FHIT: variants seen among roughly 807,000 people sequenced by gnomAD.
The protein encoded by FHIT is bis(5'-adenosyl)-triphosphatase.
Under a neutral mutation model 17.9 loss-of-function variants are expected in FHIT, and 19 were observed. The ratio of observed to expected loss-of-function variants is 1.06; its 90% CI spans 0.74 to 1.56. FHIT has a LOEUF of 1.56. Ranked by LOEUF, FHIT falls within the 40% of genes most tolerant of loss-of-function variation. The pLI, the probability that FHIT is intolerant of heterozygous loss-of-function variation, is 0.00. For missense variants in FHIT, 248 were observed against 189.2 expected (o/e 1.31, Z -1.82); for synonymous variants, 81 against 69.7 (o/e 1.16, Z -0.81).
At chr3:61,163,561 G>C (rs1189232832) in intron 2 of FHIT, among the ~76,000 whole-genome samples, 7 of 152,168 alleles carry the variant, frequency 4.6e-5, no homozygotes, top group Non-Finnish European at 1.0e-4. Flanking sequence ...GGCCATAAAA[G>C]AAATCTCTAG....
intron 4 of FHIT, among the ~76,000 whole-genome samples, chr3:60,693,882 T>TAA (rs1559644924): frequency 6.6e-6 from 1 of 152,212 alleles, no homozygotes; most frequent in Non-Finnish European, 1.5e-5. Flanking sequence ...CATAGCTCTT[T>TAA]AGCTACACCA....
At chr3:60,366,077 G>A (rs896416169) in intron 5 of FHIT, among the ~76,000 whole-genome samples, 1 of 152,208 alleles carries the variant, frequency 6.6e-6, no homozygotes, top group South Asian at 2.1e-4. Flanking sequence ...TGCTTTGCAT[G>A]ATTTATTTTT....
intron 5 of FHIT, among the ~76,000 whole-genome samples, chr3:60,407,291 C>A (rs576657780): frequency 6.6e-6 from 1 of 151,910 alleles, no homozygotes; most frequent in African/African-American, 2.4e-5. Context: ...GAAAAAATGT[C>A]GGAAAAGCCT....
intron 5 of FHIT, among the ~76,000 whole-genome samples, chr3:60,238,875 A>AT (rs1704960166): frequency 6.6e-6 from 1 of 152,206 alleles, no homozygotes; most frequent in Non-Finnish European, 1.5e-5. Flanking sequence ...GCAAGTACAA[A>AT]TGCATTAGGA....
intron 5 of FHIT, among the ~76,000 whole-genome samples, chr3:60,210,095 A>C (rs1703379688): frequency 1.3e-5 from 2 of 152,170 alleles, no homozygotes; most frequent in South Asian, 4.1e-4. Context: ...CACAAAAACA[A>C]AAACCAAAAA....
intron 7 of FHIT, among the ~76,000 whole-genome samples, chr3:60,010,095 G>A (rs914143665): frequency 1.3e-5 from 2 of 152,040 alleles, no homozygotes; most frequent in African/African-American, 2.4e-5. Flanking sequence ...TAACTAATCC[G>A]GTATAGTTGG....
At chr3:59,860,991 A>C (rs78677504) in intron 8 of FHIT, among the ~76,000 whole-genome samples, 1 of 151,988 alleles carries the variant, frequency 6.6e-6, no homozygotes, top group Admixed American at 6.6e-5. Context: ...CCTGGGTCTG[A>C]AGAGAAGAGG....
chr3:60,093,998 T>C (rs17062179), intron 5 of FHIT, among the ~76,000 whole-genome samples: 13,238 of 152,146 alleles, frequency 0.087, 678 homozygotes, highest in Non-Finnish European at 0.097. Flanking sequence ...GTGTAAGGTG[T>C]GAGAATCCTA....
At chr3:60,716,881 C>G (rs781862744) in intron 4 of FHIT, among the ~76,000 whole-genome samples, 31 of 152,118 alleles carry the variant, frequency 2.0e-4, no homozygotes, top group Non-Finnish European at 4.6e-4. Context: ...TCTTAAGGGA[C>G]CACCCTCATA....
intron 7 of FHIT, among the ~76,000 whole-genome samples, chr3:59,941,109 T>C (rs1232128478): frequency 2.6e-5 from 4 of 152,198 alleles, no homozygotes; most frequent in African/African-American, 7.2e-5. Flanking sequence ...TCTAACTCAA[T>C]GTTAAGAGAC....
intron 8 of FHIT, among the ~76,000 whole-genome samples, chr3:59,817,604 AG>A (rs1297592241): frequency 2.0e-5 from 3 of 151,800 alleles, no homozygotes; most frequent in Non-Finnish European, 2.9e-5. Context: ...AAAAGAAAAA[AG>A]AAAAAGAAGA....
intron 5 of FHIT, among the ~76,000 whole-genome samples, chr3:60,236,665 G>A (rs1447059274): frequency 3.3e-5 from 5 of 151,514 alleles, no homozygotes; most frequent in African/African-American, 1.2e-4. Flanking sequence ...TCTATTAGAT[G>A]CTATTGTCTT....
chr3:60,438,707 T>G (rs796359940), intron 5 of FHIT, among the ~76,000 whole-genome samples: 4 of 152,222 alleles, frequency 2.6e-5, no homozygotes, highest in African/African-American at 9.6e-5. Context: ...ATCAATCCCC[T>G]TTTTACTAAG....
intron 1 of FHIT, among the ~76,000 whole-genome samples, chr3:61,241,828 C>T (rs1346816856): frequency 6.6e-6 from 1 of 152,146 alleles, no homozygotes; most frequent in South Asian, 2.1e-4. Flanking sequence ...CTCTTCTATT[C>T]CCACTTATTC....
At chr3:59,912,294 G>C (rs140240318) in intron 8 of FHIT, among the ~76,000 whole-genome samples, 79 of 152,274 alleles carry the variant, frequency 5.2e-4, no homozygotes, top group African/African-American at 1.9e-3. Flanking sequence ...CTAGCCCAAT[G>C]CCCCAGGGAA....
chr3:59,954,595 G>A (rs1707301566), intron 7 of FHIT, among the ~76,000 whole-genome samples: 1 of 152,152 alleles, frequency 6.6e-6, no homozygotes, highest in Non-Finnish European at 1.5e-5. Context: ...TCCAGGTGGA[G>A]GAACAGCCTG....
chr3:60,613,835 G>A (rs558769592), intron 4 of FHIT, among the ~76,000 whole-genome samples: 1 of 152,206 alleles, frequency 6.6e-6, no homozygotes, highest in Non-Finnish European at 1.5e-5. Flanking sequence ...GAGGGACAAA[G>A]TGGGGCTTGA....
At chr3:60,276,024 G>T (rs1707113701) in intron 5 of FHIT, among the ~76,000 whole-genome samples, 1 of 149,392 alleles carries the variant, frequency 6.7e-6, no homozygotes, top group Non-Finnish European at 1.5e-5. Flanking sequence ...GTCTCGCTCA[G>T]TCGCCCAGGC....
intron 5 of FHIT, among the ~76,000 whole-genome samples, chr3:60,492,508 ATTT>A (rs34685557): frequency 2.1e-5 from 3 of 141,584 alleles, no homozygotes; most frequent in Non-Finnish European, 3.1e-5. Flanking sequence ...GAAAGATGGC[ATTT>A]TTTTTTTTTT....
Sources: gnomAD v4.1 joint callset for allele counts (sites outside exome capture counted in the v4.1 genomes callset) on GRCh38, gnomAD v4.1.1 for gene constraint, MANE v1.5 for transcripts, NCBI Gene and HGNC (gene_info 2026-07-23, HGNC 2026-07-21) for gene names.